Variants in FAM135B observed in about 807,000 individuals in gnomAD.
The protein encoded by FAM135B is protein FAM135B.
Under a neutral mutation model 127.7 loss-of-function variants are expected in FAM135B, and 43 were observed. The observed-to-expected ratio is 0.34, with a 90% CI of 0.26 to 0.43. The LOEUF is 0.43. Among genes scored for constraint, FAM135B ranks in the 20% least tolerant of loss-of-function variants. The pLI, the probability that FAM135B is intolerant of heterozygous loss-of-function variation, is 1.00. For synonymous variants in FAM135B, 670 were observed against 665.1 expected, an observed-to-expected ratio of 1.01 and a Z score of -0.11; for missense variants, 1,558 against 1,725.6, an observed-to-expected ratio of 0.90 and a Z score of 1.72.
intron 1 of FAM135B, among the ~76,000 whole-genome samples, chr8:138,424,422 A>C (rs947248116): frequency 7.2e-5 from 11 of 152,216 alleles, no homozygotes; most frequent in African/African-American, 2.7e-4. Flanking sequence ...ACAGTGAGAA[A>C]GACATGTAGA....
chr8:138,495,649 C>G (rs2131704510), intron 1 of FAM135B, among the ~76,000 whole-genome samples: 1 of 152,304 alleles, frequency 6.6e-6, no homozygotes, highest in Non-Finnish European at 1.5e-5. Flanking sequence ...CCTAATTATT[C>G]ACATGCTATC....
chr8:138,239,999 T>TG (rs1820612525), intron 7 of FAM135B, among the ~76,000 whole-genome samples: 1 of 22,918 alleles, frequency 4.4e-5, no homozygotes, highest in African/African-American at 2.0e-4. Context: ...GGGCCTGTCA[T>TG]GGGGTGGGGG....
intron 10 of FAM135B, among the ~76,000 whole-genome samples, chr8:138,178,141 G>A (rs540808682): frequency 7.2e-5 from 11 of 152,004 alleles, no homozygotes; most frequent in Admixed American, 1.3e-4. Context: ...CCAGCTACTC[G>A]GGAGGCTGAG....
intron 1 of FAM135B, among the ~76,000 whole-genome samples, chr8:138,494,552 ATTG>A (rs1164560140): frequency 6.6e-6 from 1 of 152,184 alleles, no homozygotes; most frequent in Non-Finnish European, 1.5e-5. Context: ...GAAGTGAGAA[ATTG>A]TTATTCTAGG....
intron 1 of FAM135B, among the ~76,000 whole-genome samples, chr8:138,419,667 G>A (rs779525067): frequency 1.3e-5 from 2 of 152,028 alleles, no homozygotes; most frequent in African/African-American, 4.8e-5. Flanking sequence ...TCAGACCACA[G>A]CACAATTAAA....
At chr8:138,264,371 G>C (rs1268414327) in intron 4 of FAM135B, among the ~76,000 whole-genome samples, 1 of 152,210 alleles carries the variant, frequency 6.6e-6, no homozygotes, top group Non-Finnish European at 1.5e-5. Flanking sequence ...ACAACAGCCA[G>C]TCTTGCACAG....
rs560989968 is a variant in FAM135B, at chr8:138,246,265, G to A, written c.543-3197C>T. On this transcript the variant is annotated intron_variant, in intron 6 of 19. Coordinates refer to ENST00000395297, the MANE Select transcript of FAM135B (RefSeq NM_015912.4). ...CCCAATGTTAATCACCAAGGAAATG[G>A]GGAAAATGTCTCTAGGGCATGTCAG... Among the ~76,000 whole-genome samples the A allele has an allele frequency of 9.7e-4, 147 of 152,276 alleles. 1 individual carries two copies. Among genetic ancestry groups the A allele is most frequent in the African/African-American group, 3.1e-3 (129 of 41,566 alleles).
intron 1 of FAM135B, chr8:138,438,539 T>G (rs1477771864): frequency 2.6e-5 from 4 of 152,178 alleles, no homozygotes; most frequent in Non-Finnish European, 5.9e-5. Flanking sequence ...CAGACTCTAT[T>G]CTGGATTATT....
At chr8:138,204,408 A>G (rs564548008) in intron 7 of FAM135B, among the ~76,000 whole-genome samples, 35 of 152,294 alleles carry the variant, frequency 2.3e-4, no homozygotes, top group Non-Finnish European at 5.0e-4. Context: ...GGGAGTAAAA[A>G]GACATTTTTA....
chr8:138,151,649 A>G lies in FAM135B; in HGVS notation c.2826T>C (p.Ala942=), dbSNP rs1818162582. The G allele has an allele frequency of 6.2e-7, 1 of 1,614,182 alleles. No individual in the cohort carries two copies. Among genetic ancestry groups the G allele is most frequent in the South Asian group, 1.1e-5 (1 of 91,078 alleles). The change falls in exon 13 of 20, where the codon GCT becomes GCC. Residue 942 remains alanine, a synonymous_variant. Transcript: ENST00000395297. ...HQVPELSCTS[A]ADAINRNSTG... ...TTGAGTTCCTGTTGATGGCATCAGC[A>G]GCTGACGTACAGCTCAATTCAGGCA...
intron 9 of FAM135B, among the ~76,000 whole-genome samples, chr8:138,189,004 T>C (rs775425370): frequency 5.5e-4 from 83 of 152,256 alleles, no homozygotes; most frequent in Non-Finnish European, 1.0e-3. Context: ...AGTAAGAACA[T>C]GCATTTCTGT....
At chr8:138,316,139 G>C (rs1312430755) in intron 2 of FAM135B, among the ~76,000 whole-genome samples, 1 of 152,156 alleles carries the variant, frequency 6.6e-6, no homozygotes, top group Non-Finnish European at 1.5e-5. Context: ...ACATCATGTT[G>C]TATACTTTAA....
chr8:138,353,283 T>G (rs1829889969), intron 2 of FAM135B, among the ~76,000 whole-genome samples: 1 of 152,160 alleles, frequency 6.6e-6, no homozygotes, highest in Non-Finnish European at 1.5e-5. Context: ...CTCATCCATA[T>G]TTGCACACAA....
intron 7 of FAM135B, among the ~76,000 whole-genome samples, chr8:138,212,172 T>C (rs1818195840): frequency 6.6e-6 from 1 of 151,266 alleles, no homozygotes; most frequent in Non-Finnish European, 1.5e-5. Context: ...TAAGGGAGAG[T>C]CTGACAAAGG....
chr8:138,476,262 C>T (rs1021285348), intron 1 of FAM135B, among the ~76,000 whole-genome samples: 3 of 152,108 alleles, frequency 2.0e-5, no homozygotes, highest in African/African-American at 7.2e-5. Flanking sequence ...GTGAAACTAT[C>T]CTGCATGATA....
In FAM135B at chr8:138,168,170, C is replaced by A. The variant is rs1586666706; in HGVS notation, c.1104-121G>T. ...CAGCTGACTCTGGCAATTGTCTGCCCATCATCCTTTTCTTCCACCCACCTA... is the reference window on the plus strand; with the variant it reads ...CAGCTGACTCTGGCAATTGTCTGCCAATCATCCTTTTCTTCCACCCACCTA... On this transcript the variant is annotated intron_variant, in intron 11 of 19. Coordinates refer to ENST00000395297, the MANE Select transcript of FAM135B (RefSeq NM_015912.4). 5.1e-6 allele frequency: 6 copies of A among 1,166,122 alleles called. No individual in the cohort carries two copies. The East Asian group carries it at 1.3e-4, about 26-fold the overall frequency. The allele number at this position is 1,166,122 out of a possible 1,614,324, so 72.2% of individuals were successfully genotyped here. A position where few individuals can be genotyped will look rare whatever the true frequency, so the allele number is the denominator to read the frequency against.
At chr8:138,267,947 A>G (rs1586926038) in intron 3 of FAM135B, among the ~76,000 whole-genome samples, 1 of 152,176 alleles carries the variant, frequency 6.6e-6, no homozygotes, top group South Asian at 2.1e-4. Flanking sequence ...CTCTTTCTCT[A>G]TCACTGTCTA....
intron 1 of FAM135B, among the ~76,000 whole-genome samples, chr8:138,401,796 C>T (rs1375189001): frequency 6.6e-6 from 1 of 152,128 alleles, no homozygotes; most frequent in African/African-American, 2.4e-5. Context: ...CTGGGTAATA[C>T]ATTTTAGGGT....
In FAM135B at chr8:138,369,548, A is replaced by C. The variant is rs184200889; in HGVS notation, c.-19-1546T>G. The stretch of plus-strand genomic sequence containing the variant: ...AAATCCTCAGAACCAACCTCTATAA[A>C]TTCTGCAAGACAGAATTTCAATCTG... On this transcript the variant is annotated intron_variant, in intron 1 of 19. Transcript: ENST00000395297. Among the ~76,000 whole-genome samples, 8 of 152,266 alleles carry C rather than the reference A, an allele frequency of 5.3e-5. No homozygotes were observed. In the East Asian group the frequency reaches 1.5e-3, roughly 29 times the overall value.
Sources: gnomAD v4.1 joint callset for allele counts (sites outside exome capture counted in the v4.1 genomes callset) on GRCh38, gnomAD v4.1.1 for gene constraint, MANE v1.5 for transcripts, NCBI Gene and HGNC (gene_info 2026-07-23, HGNC 2026-07-21) for gene names.